Variants in PHC2 observed in about 807,000 individuals in gnomAD.
PHC2 encodes polyhomeotic-like protein 2.
In PHC2, 29 loss-of-function variants were observed where a neutral mutation model predicts 87.4. The observed-to-expected ratio is 0.33, with a 90% CI of 0.25 to 0.45. PHC2 has a LOEUF of 0.45. PHC2 is among the 20% of genes least tolerant of loss of function. The pLI is 1.00. For synonymous variants in PHC2, 438 were observed against 461.7 expected (o/e 0.95, Z 0.66); for missense variants, 857 against 1,136.7 (o/e 0.75, Z 3.54).
intron 1 of PHC2, among the ~76,000 whole-genome samples, chr1:33,393,449 G>A (rs2148365076): frequency 6.9e-6 from 1 of 144,734 alleles, no homozygotes; most frequent in South Asian, 2.2e-4. Flanking sequence ...TCACTTATAA[G>A]ACCTTTTCAA....
intron 1 of PHC2, among the ~76,000 whole-genome samples, chr1:33,419,514 C>T (rs1483743953): frequency 6.6e-6 from 1 of 152,194 alleles, no homozygotes; most frequent in Non-Finnish European, 1.5e-5. Context: ...CTTCCTCTGC[C>T]TCTCTAAGGA....
chr1:33,339,531 C>T (rs1646703119), intron 9 of PHC2, among the ~76,000 whole-genome samples: 1 of 152,182 alleles, frequency 6.6e-6, no homozygotes, highest in Non-Finnish European at 1.5e-5. Context: ...TCCCTGTCCC[C>T]TTTGAAACAT....
At chr1:33,406,931 C>T (rs907985740) in intron 1 of PHC2, among the ~76,000 whole-genome samples, 4 of 152,172 alleles carry the variant, frequency 2.6e-5, no homozygotes, top group Non-Finnish European at 5.9e-5. Flanking sequence ...CTTATTCTGA[C>T]CTGCATGTCT....
chr1:33,416,527 G>A (rs945488293), intron 1 of PHC2, among the ~76,000 whole-genome samples: 2 of 136,562 alleles, frequency 1.5e-5, no homozygotes, highest in East Asian at 4.5e-4. Context: ...AGTGAGCCGA[G>A]ATCACGCCAC....
At position 33,332,733 on chromosome 1, in the gene PHC2, A is replaced by G. The variant is rs756081180; in HGVS notation, c.1762-329T>C. 3.3e-5 allele frequency among the ~76,000 whole-genome samples: 5 copies of G among 152,204 alleles called. No individual in the cohort carries two copies. The highest frequency in any genetic ancestry group is 7.3e-5 in the Non-Finnish European group (5 of 68,042). On this transcript the variant is annotated intron_variant, in intron 10 of 14. Coordinates refer to ENST00000683057, the MANE Select transcript of PHC2 (RefSeq NM_001385109.1). This position sits in a 1 kb window ranked among gnomAD's most constrained non-coding sequence, Gnocchi z 4.2. Reference sequence around the variant, plus strand: ...AGTGCCAGATCAAGCACCAAGACCCAGTACCCACGCATCTCCAGGCAAGGA... The same window carrying G: ...AGTGCCAGATCAAGCACCAAGACCCGGTACCCACGCATCTCCAGGCAAGGA...
At chr1:33,350,149 C>T (rs994624124) in intron 9 of PHC2, among the ~76,000 whole-genome samples, 1 of 152,030 alleles carries the variant, frequency 6.6e-6, no homozygotes, top group African/African-American at 2.4e-5. Flanking sequence ...CGGGGCGGCC[C>T]GCGACTCCCG....
intron 1 of PHC2, 25 bp from the exon 2 acceptor site, chr1:33,375,618 A>G: frequency 7.4e-7 from 1 of 1,342,718 alleles, no homozygotes; most frequent in Non-Finnish European, 9.9e-7. Context: ...GCAGAAGTGA[A>G]TGTTTTGACA....
intron 7 of PHC2, among the ~76,000 whole-genome samples, chr1:33,361,996 T>C (rs1446465566): frequency 1.3e-5 from 2 of 152,150 alleles, no homozygotes; most frequent in African/African-American, 4.8e-5. Context: ...AACTAATAGG[T>C]GATGAAACTG....
intron 10 of PHC2, chr1:33,333,848 G>T: frequency 4.1e-6 from 2 of 485,878 alleles, no homozygotes; most frequent in East Asian, 8.0e-5. Context: ...ACACACCTGA[G>T]TTTGTGTGGG....
intron 1 of PHC2, among the ~76,000 whole-genome samples, chr1:33,425,731 G>A (rs1022600937): frequency 6.6e-6 from 1 of 152,224 alleles, no homozygotes; most frequent in Non-Finnish European, 1.5e-5. Flanking sequence ...GCCTTATGGA[G>A]ACCATGCCAC....
chr1:33,374,895 C>T (rs895614525), intron 2 of PHC2, among the ~76,000 whole-genome samples: 1 of 152,186 alleles, frequency 6.6e-6, no homozygotes, highest in African/African-American at 2.4e-5. Flanking sequence ...TAGTGCATGG[C>T]CCTGACTGCA....
At chr1:33,390,868 G>A (rs1209491369) in intron 1 of PHC2, among the ~76,000 whole-genome samples, 1 of 152,032 alleles carries the variant, frequency 6.6e-6, no homozygotes, top group East Asian at 1.9e-4. Context: ...TTTGGCCCTT[G>A]GTTTATGCAC....
chr1:33,381,621 G>A (rs1281818708), intron 1 of PHC2, among the ~76,000 whole-genome samples: 3 of 150,996 alleles, frequency 2.0e-5, no homozygotes, highest in Admixed American at 6.6e-5. Context: ...AACCAAGTCC[G>A]ACTCCAAAGC....
chr1:33,337,070 G>A (rs968251172), intron 9 of PHC2, among the ~76,000 whole-genome samples: 1 of 152,128 alleles, frequency 6.6e-6, no homozygotes, highest in African/African-American at 2.4e-5. Context: ...TACTAACATA[G>A]ATTACTATGA....
At chr1:33,328,719 T>C (rs1338446332) in intron 14 of PHC2, 151 bp downstream of exon 14, 3 of 650,178 alleles carry the variant, frequency 4.6e-6, no homozygotes, top group Admixed American at 2.9e-5. Context: ...CAAGCTCTTA[T>C]AGGCAGGGAG....
intron 1 of PHC2, chr1:33,392,638 G>T (rs1649117569): frequency 6.6e-6 from 1 of 152,126 alleles, no homozygotes; most frequent in Non-Finnish European, 1.5e-5. Context: ...TACCAATATT[G>T]GTTTGACTGA....
chr1:33,380,362 A>G (rs1648436695), intron 1 of PHC2, among the ~76,000 whole-genome samples: 1 of 152,112 alleles, frequency 6.6e-6, no homozygotes, highest in Admixed American at 6.5e-5. Flanking sequence ...CCTAACCTCT[A>G]ATCTACTTTC....
intron 9 of PHC2, 104 bp downstream of exon 9, chr1:33,354,297 T>C: frequency 7.3e-6 from 8 of 1,090,298 alleles, no homozygotes; most frequent in Non-Finnish European, 1.1e-5. Context: ...TCCTTGCTTG[T>C]AATAGTTTAC....
Position 33,399,809 on chromosome 1 carries a change from C to T in PHC2, c.-54-24216G>A, listed in dbSNP as rs113619584. On this transcript the variant is annotated intron_variant, in intron 1 of 14. Transcript: ENST00000683057. ...TAGGTAGGAATGCTCAAGAGACTGG[C>T]GGGGGCAGGGTTGGGGGAGCTTTAA... Among the ~76,000 whole-genome samples, 939 of 151,948 alleles carry T rather than the reference C, an allele frequency of 6.2e-3. 16 individuals are homozygous for T. Among genetic ancestry groups the T allele is most frequent in the African/African-American group, 0.022 (897 of 41,434 alleles).
Sources: allele counts gnomAD v4.1 joint callset (sites outside exome capture counted in the v4.1 genomes callset), GRCh38; gene constraint gnomAD v4.1.1; non-coding constraint Gnocchi (gnomAD v3.1); transcripts MANE v1.5; gene names NCBI Gene and HGNC (gene_info 2026-07-23, HGNC 2026-07-21).